The following GABRG3 variants were observed in gnomAD, a reference collection of about 807,000 sequenced individuals.
GABRG3 encodes gamma-aminobutyric acid type A receptor subunit gamma3.
In GABRG3, 25 loss-of-function variants were observed where a neutral mutation model predicts 48.8. The ratio of observed to expected loss-of-function variants is 0.51; its 90% CI spans 0.37 to 0.72. The LOEUF (loss-of-function observed/expected upper bound fraction) is 0.72, where lower values mean the gene tolerates loss of function less well. Ranked by LOEUF, GABRG3 falls within the 30% of genes least tolerant of loss-of-function variation. The pLI is 0.00. For synonymous variants in GABRG3, 227 were observed against 217.6 expected, an observed-to-expected ratio of 1.04 and a Z score of -0.38; for missense variants, 394 against 577.9, an observed-to-expected ratio of 0.68 and a Z score of 3.26.
intron 3 of GABRG3, among the ~76,000 whole-genome samples, chr15:27,159,057 A>G (rs2140402187): frequency 6.6e-6 from 1 of 152,274 alleles, no homozygotes; most frequent in Admixed American, 6.5e-5. Context: ...CCTACAAAGG[A>G]CTTTATTTTT....
chr15:27,054,548 T>TCCAA (rs1896509114), intron 3 of GABRG3, among the ~76,000 whole-genome samples: 1 of 152,206 alleles, frequency 6.6e-6, no homozygotes, highest in Non-Finnish European at 1.5e-5. Flanking sequence ...CCCAAGGCTG[T>TCCAA]AAGACTTGAC....
intron 3 of GABRG3, among the ~76,000 whole-genome samples, chr15:27,251,783 G>C (rs1890463506): frequency 6.6e-6 from 1 of 152,158 alleles, no homozygotes; most frequent in South Asian, 2.1e-4. Context: ...GTTCACCTGA[G>C]GGCACGCAGG....
chr15:27,145,341 A>G (rs1898179026), intron 3 of GABRG3, among the ~76,000 whole-genome samples: 1 of 152,154 alleles, frequency 6.6e-6, no homozygotes, highest in African/African-American at 2.4e-5. Context: ...TTGTAAAAAA[A>G]AAATAGAGCA....
intron 3 of GABRG3, among the ~76,000 whole-genome samples, chr15:27,261,653 T>C: frequency 6.6e-6 from 1 of 152,036 alleles, no homozygotes; most frequent in East Asian, 1.9e-4. Flanking sequence ...CAAACTGACA[T>C]TTTTGTTGAC....
intron 6 of GABRG3, among the ~76,000 whole-genome samples, chr15:27,502,421 C>T (rs35561714): frequency 6.6e-6 from 1 of 152,152 alleles, no homozygotes; most frequent in African/African-American, 2.4e-5. Context: ...GTGCTTTATC[C>T]TATTCCCTCA....
intron 5 of GABRG3, among the ~76,000 whole-genome samples, chr15:27,431,605 G>A (rs1161469752): frequency 2.0e-5 from 3 of 152,140 alleles, no homozygotes; most frequent in Admixed American, 2.0e-4. Context: ...GTTGGAAGGG[G>A]GAAGGATTCC....
At chr15:27,230,304 C>G (rs1374118815) in intron 3 of GABRG3, among the ~76,000 whole-genome samples, 1 of 152,144 alleles carries the variant, frequency 6.6e-6, no homozygotes, top group Non-Finnish European at 1.5e-5. Flanking sequence ...TGATCTACAG[C>G]TCAAACTACC....
intron 2 of GABRG3, among the ~76,000 whole-genome samples, chr15:27,004,769 G>C (rs968846280): frequency 6.6e-6 from 1 of 152,224 alleles, no homozygotes; most frequent in African/African-American, 2.4e-5. Flanking sequence ...CAACACCAAT[G>C]CAGAAATTTT....
intron 3 of GABRG3, among the ~76,000 whole-genome samples, chr15:27,124,744 C>T (rs965116304): frequency 2.0e-5 from 3 of 152,182 alleles, no homozygotes; most frequent in African/African-American, 7.2e-5. Context: ...TGAGCCAGCT[C>T]ACCCCAGGCA....
intron 5 of GABRG3, among the ~76,000 whole-genome samples, chr15:27,361,504 A>G (rs995366968): frequency 6.6e-6 from 1 of 152,174 alleles, no homozygotes; most frequent in Admixed American, 6.5e-5. Context: ...TCCTGGGTAA[A>G]CGTCCCATGA....
At chr15:27,193,387 C>T (rs1241351298) in intron 3 of GABRG3, among the ~76,000 whole-genome samples, 11 of 151,962 alleles carry the variant, frequency 7.2e-5, no homozygotes, top group Admixed American at 2.6e-4. Context: ...TCTAGCTTCC[C>T]GGCTGCTTTG....
At chr15:26,998,738 T>C (rs928184384) in intron 2 of GABRG3, among the ~76,000 whole-genome samples, 3 of 152,174 alleles carry the variant, frequency 2.0e-5, no homozygotes, top group Non-Finnish European at 2.9e-5. Flanking sequence ...AATGGGAGGC[T>C]TTGCTGTGTT....
chr15:27,468,212 AG>A (rs2150838983), intron 5 of GABRG3, among the ~76,000 whole-genome samples: 1 of 152,370 alleles, frequency 6.6e-6, no homozygotes, highest in South Asian at 2.1e-4. Flanking sequence ...ATTTATCACA[AG>A]GTGAAAAGTA....
chr15:26,981,179 G>A (rs1895046682), intron 2 of GABRG3, among the ~76,000 whole-genome samples: 1 of 152,214 alleles, frequency 6.6e-6, no homozygotes, highest in Admixed American at 6.5e-5. Context: ...CTCTTGAAGA[G>A]GGAGATTAAC....
At chr15:27,171,353 T>A (rs1161963748) in intron 3 of GABRG3, among the ~76,000 whole-genome samples, 1 of 152,158 alleles carries the variant, frequency 6.6e-6, no homozygotes, top group African/African-American at 2.4e-5. Context: ...TGTTTTTATT[T>A]CCCCTGGCCT....
intron 3 of GABRG3, among the ~76,000 whole-genome samples, chr15:27,251,375 A>AC: frequency 6.6e-6 from 1 of 152,126 alleles, no homozygotes. Flanking sequence ...GGAAGAAGGG[A>AC]AACACTCCTT....
intron 3 of GABRG3, chr15:27,294,896 A>C (rs1891927237): frequency 6.6e-6 from 1 of 152,258 alleles, no homozygotes; most frequent in African/African-American, 2.4e-5. Context: ...AAGGTGCAAC[A>C]GAATTTATTC....
At chr15:27,434,129 A>G (rs1489753939) in intron 5 of GABRG3, among the ~76,000 whole-genome samples, 1 of 152,236 alleles carries the variant, frequency 6.6e-6, no homozygotes, top group African/African-American at 2.4e-5. Flanking sequence ...AAGCTTTTTA[A>G]TAAACATGGA....
chr15:27,111,477 A>G (rs1237313074), intron 3 of GABRG3, among the ~76,000 whole-genome samples: 1 of 152,130 alleles, frequency 6.6e-6, no homozygotes, highest in Non-Finnish European at 1.5e-5. Flanking sequence ...TGTGTTGGGT[A>G]ATAGGATCCA....
Sources: gnomAD v4.1 joint callset for allele counts (sites outside exome capture counted in the v4.1 genomes callset) on GRCh38, gnomAD v4.1.1 for gene constraint, MANE v1.5 for transcripts, NCBI Gene and HGNC (gene_info 2026-07-23, HGNC 2026-07-21) for gene names.